Variants in MACROD2 observed in about 807,000 individuals in gnomAD.
MACROD2 encodes the protein mono-ADP ribosylhydrolase 2.
MACROD2 carries 36 observed loss-of-function variants against 70.4 expected under a neutral mutation model. That is an observed-to-expected ratio of 0.51 (90% CI 0.39 to 0.68). MACROD2 has a LOEUF of 0.68. Ranked by LOEUF, MACROD2 falls within the 30% of genes least tolerant of loss-of-function variation. The pLI is 0.00. For synonymous variants in MACROD2, 172 were observed against 178.8 expected (o/e 0.96, Z 0.30); for missense variants, 496 against 538.4 (o/e 0.92, Z 0.78).
At chr20:15,061,224 A>G (rs568820126) in intron 5 of MACROD2, among the ~76,000 whole-genome samples, 2 of 152,046 alleles carry the variant, frequency 1.3e-5, no homozygotes, top group Admixed American at 1.3e-4. Context: ...TGCCCTGCCC[A>G]CTCCCTCCGT....
At chr20:14,776,865 A>AT (rs762334745) in intron 5 of MACROD2, among the ~76,000 whole-genome samples, 1 of 151,998 alleles carries the variant, frequency 6.6e-6, no homozygotes, top group East Asian at 1.9e-4. Flanking sequence ...GGGCTAATAG[A>AT]TAAGTTTTGC....
At chr20:14,836,608 G>A (rs1240276835) in intron 5 of MACROD2, among the ~76,000 whole-genome samples, 1 of 152,028 alleles carries the variant, frequency 6.6e-6, no homozygotes, top group Non-Finnish European at 1.5e-5. Context: ...AATTATGAAT[G>A]TTATCCATAG....
At chr20:15,131,034 A>C (rs1288692877) in intron 5 of MACROD2, among the ~76,000 whole-genome samples, 1 of 152,094 alleles carries the variant, frequency 6.6e-6, no homozygotes, top group Non-Finnish European at 1.5e-5. Context: ...CCCTTGACAA[A>C]TGACCCCTGG....
At chr20:15,885,842 G>T in intron 10 of MACROD2, 31 bp downstream of exon 10, 1 of 1,488,418 alleles carries the variant, frequency 6.7e-7, no homozygotes, top group South Asian at 1.3e-5. Context: ...TTATTAGGGG[G>T]TAGGTAGGGG....
At chr20:15,668,186 G>T (rs1261895335) in intron 8 of MACROD2, among the ~76,000 whole-genome samples, 1 of 152,024 alleles carries the variant, frequency 6.6e-6, no homozygotes, top group African/African-American at 2.4e-5. Flanking sequence ...CTTGAACCCA[G>T]GAGGCCGAGG....
At chr20:15,210,793 A>T (rs1601234133) in intron 5 of MACROD2, among the ~76,000 whole-genome samples, 2 of 152,104 alleles carry the variant, frequency 1.3e-5, no homozygotes, top group Non-Finnish European at 2.9e-5. Context: ...TGCTCCAGCC[A>T]TGTAAGATGT....
Position 14,169,430 on chromosome 20 carries a change from G to C in MACROD2, c.271+83702G>C, listed in dbSNP as rs556444603. 7.2e-5 allele frequency among the ~76,000 whole-genome samples: 11 copies of C among 152,104 alleles called. No individual in the cohort carries two copies. In the East Asian group the frequency reaches 1.4e-3, roughly 19 times the overall value. ...AGCGATTCTTCTGCCTCAGCCTCCTGAGTAGCTGGGATTACAGGCATGTGC... is the reference window on the plus strand; with the variant it reads ...AGCGATTCTTCTGCCTCAGCCTCCTCAGTAGCTGGGATTACAGGCATGTGC... On this transcript the variant is annotated intron_variant, in intron 3 of 17. Transcript: ENST00000684519.
chr20:14,171,739 C>T lies in MACROD2; in HGVS notation c.271+86011C>T, dbSNP rs565867598. 2.6e-5 allele frequency among the ~76,000 whole-genome samples: 4 copies of T among 152,146 alleles called. No homozygotes were observed. The South Asian group carries it at 6.2e-4, about 24-fold the overall frequency. ...AATTTCAATTTTCTTTATTGAGACT[C>T]GTTTTGTGGGCTATCATGTTGTCTA... On this transcript the variant is annotated intron_variant, in intron 3 of 17. Transcript: ENST00000684519.
At chr20:15,442,778 G>T (rs182032460) in intron 7 of MACROD2, among the ~76,000 whole-genome samples, 1 of 127,676 alleles carries the variant, frequency 7.8e-6, no homozygotes, top group Non-Finnish European at 1.7e-5. Flanking sequence ...CAGGTTGCTC[G>T]TAGATAAATT....
intron 2 of MACROD2, among the ~76,000 whole-genome samples, chr20:14,045,288 C>G (rs758007455): frequency 3.3e-5 from 5 of 152,236 alleles, no homozygotes; most frequent in Non-Finnish European, 7.3e-5. Context: ...GCACCAACGT[C>G]GAGGAGGCGC....
At chr20:15,096,701 A>G (rs947331295) in intron 5 of MACROD2, among the ~76,000 whole-genome samples, 3 of 151,450 alleles carry the variant, frequency 2.0e-5, no homozygotes, top group Non-Finnish European at 2.9e-5. Flanking sequence ...TAGTAGAAAC[A>G]AGCTTTCACC....
intron 5 of MACROD2, among the ~76,000 whole-genome samples, chr20:15,069,056 G>T (rs144853366): frequency 6.6e-6 from 1 of 152,158 alleles, no homozygotes; most frequent in African/African-American, 2.4e-5. Flanking sequence ...GGGAACTAGT[G>T]TAGAGAACAA....
intron 5 of MACROD2, among the ~76,000 whole-genome samples, chr20:15,010,382 A>T (rs1048088040): frequency 6.6e-6 from 1 of 152,202 alleles, no homozygotes; most frequent in Admixed American, 6.5e-5. Flanking sequence ...AGTAGAAAGC[A>T]CCTAAATAGC....
chr20:14,638,547 G>A (rs1252976643), intron 4 of MACROD2, among the ~76,000 whole-genome samples: 1 of 152,184 alleles, frequency 6.6e-6, no homozygotes, highest in Admixed American at 6.5e-5. Context: ...GATTCTGCCA[G>A]GATTCATGTG....
At chr20:15,023,909 G>T (rs1159513098) in intron 5 of MACROD2, among the ~76,000 whole-genome samples, 2 of 152,084 alleles carry the variant, frequency 1.3e-5, no homozygotes, top group Non-Finnish European at 2.9e-5. Flanking sequence ...ATGAACTGTG[G>T]TGTCTTCATT....
chr20:14,768,807 TTTGA>T (rs1396176691), intron 5 of MACROD2, among the ~76,000 whole-genome samples: 1 of 152,050 alleles, frequency 6.6e-6, no homozygotes, highest in Non-Finnish European at 1.5e-5. Context: ...TAAGAGAGTG[TTTGA>T]TTGCACATAT....
At chr20:14,715,166 G>T (rs978887388) in intron 5 of MACROD2, among the ~76,000 whole-genome samples, 2 of 152,026 alleles carry the variant, frequency 1.3e-5, no homozygotes, top group Admixed American at 6.6e-5. Context: ...TCATGGTGGC[G>T]GCAAGAAGAA....
At chr20:15,840,848 A>G (rs1200259230) in intron 8 of MACROD2, among the ~76,000 whole-genome samples, 1 of 152,208 alleles carries the variant, frequency 6.6e-6, no homozygotes, top group African/African-American at 2.4e-5. Context: ...AATGTTACCC[A>G]CATTAGTTAA....
At chr20:14,958,311 C>T (rs906030669) in intron 5 of MACROD2, among the ~76,000 whole-genome samples, 1 of 152,156 alleles carries the variant, frequency 6.6e-6, no homozygotes, top group African/African-American at 2.4e-5. Context: ...AGAGTGGGAG[C>T]TTCTTGACAT....
Sources: allele counts gnomAD v4.1 joint callset (sites outside exome capture counted in the v4.1 genomes callset), GRCh38; gene constraint gnomAD v4.1.1; transcripts MANE v1.5; gene names NCBI Gene and HGNC (gene_info 2026-07-23, HGNC 2026-07-21).